Variants in CEP112 observed in about 807,000 individuals in gnomAD.
The protein encoded by CEP112 is centrosomal protein of 112 kDa.
In CEP112, 127 loss-of-function variants were observed where a neutral mutation model predicts 153.0. That is an observed-to-expected ratio of 0.83 (90% confidence interval 0.72 to 0.96). The LOEUF is 0.96. Among genes scored for constraint, CEP112 ranks in the 40% least tolerant of loss-of-function variants. The pLI is 0.00. For synonymous variants in CEP112, 358 were observed against 374.4 expected, an observed-to-expected ratio of 0.96 and a Z score of 0.51; for missense variants, 1,089 against 1,101.2, an observed-to-expected ratio of 0.99 and a Z score of 0.16.
chr17:66,100,515 TA>T (rs1378527741), intron 6 of CEP112, among the ~76,000 whole-genome samples: 2 of 147,518 alleles, frequency 1.4e-5, no homozygotes, highest in Non-Finnish European at 3.0e-5. Context: ...AAAACTGACA[TA>T]AAAACGTGTT....
intron 18 of CEP112, among the ~76,000 whole-genome samples, chr17:65,939,991 T>C (rs1298399654): frequency 6.6e-6 from 1 of 152,056 alleles, no homozygotes. Context: ...ACCATACATA[T>C]TATAAGGGAT....
intron 20 of CEP112, among the ~76,000 whole-genome samples, chr17:65,872,271 A>C (rs1375879438): frequency 6.6e-6 from 1 of 152,082 alleles, no homozygotes; most frequent in East Asian, 1.9e-4. Flanking sequence ...TTCTTAAATA[A>C]ATTCAAGTGT....
At chr17:65,675,642 C>G (rs1189019609) in intron 24 of CEP112, among the ~76,000 whole-genome samples, 2 of 151,498 alleles carry the variant, frequency 1.3e-5, no homozygotes, top group Non-Finnish European at 2.9e-5. Flanking sequence ...TAAAAGAAAA[C>G]TATAGGCCAA....
At chr17:66,070,452 T>C (rs1254532678) in intron 8 of CEP112, among the ~76,000 whole-genome samples, 2 of 152,160 alleles carry the variant, frequency 1.3e-5, no homozygotes, top group African/African-American at 2.4e-5. Context: ...TATGTAAATA[T>C]GACTTGAGAA....
chr17:65,683,079 C>T (rs1033272555), intron 24 of CEP112, among the ~76,000 whole-genome samples: 2 of 152,128 alleles, frequency 1.3e-5, no homozygotes, highest in Non-Finnish European at 2.9e-5. Context: ...CACTAGATCA[C>T]GACAGTCCTT....
At chr17:65,819,561 C>T (rs114634470) in intron 21 of CEP112, among the ~76,000 whole-genome samples, 53 of 152,046 alleles carry the variant, frequency 3.5e-4, no homozygotes, top group African/African-American at 1.3e-3. Context: ...ATTAATTTTA[C>T]AGCACAGAAA....
chr17:65,755,351 C>G (rs1172906368), intron 21 of CEP112, among the ~76,000 whole-genome samples: 1 of 152,080 alleles, frequency 6.6e-6, no homozygotes, highest in African/African-American at 2.4e-5. Flanking sequence ...ACAACTCACT[C>G]ACTGTTATAA....
chr17:65,680,530 C>T (rs1040652971), intron 24 of CEP112, among the ~76,000 whole-genome samples: 3 of 152,010 alleles, frequency 2.0e-5, no homozygotes, highest in African/African-American at 7.2e-5. Context: ...ATTAATTCAC[C>T]GAGCACCATT....
At position 65,965,727 on chromosome 17, in the gene CEP112, G is replaced by A. The variant is rs9916535; in HGVS notation, c.1737-4129C>T. ...TGTAGAAATGGGGTTTTGTCAAGTT[G>A]CCCAGGCTGGTCTCAAACTCCTGGA... On this transcript the variant is annotated intron_variant, in intron 17 of 26. Transcript: ENST00000535342. 2.4e-3 allele frequency among the ~76,000 whole-genome samples: 361 copies of A among 151,904 alleles called. 2 individuals are homozygous for A. Among genetic ancestry groups the A allele is most frequent in the African/African-American group, 8.3e-3 (344 of 41,432 alleles).
At chr17:66,073,728 T>TTA (rs1369603226) in intron 8 of CEP112, among the ~76,000 whole-genome samples, 1 of 152,182 alleles carries the variant, frequency 6.6e-6, no homozygotes, top group Non-Finnish European at 1.5e-5. Flanking sequence ...TGTTGGATAA[T>TTA]ATCTTTGGCT....
At chr17:66,077,077 C>T (rs1448137578) in intron 8 of CEP112, among the ~76,000 whole-genome samples, 1 of 152,132 alleles carries the variant, frequency 6.6e-6, no homozygotes, top group Non-Finnish European at 1.5e-5. Context: ...CTAGACTTTT[C>T]TCAGAGCCTA....
intron 19 of CEP112, among the ~76,000 whole-genome samples, chr17:65,906,681 T>G (rs2143699206): frequency 6.6e-6 from 1 of 152,318 alleles, no homozygotes; most frequent in East Asian, 1.9e-4. Context: ...TTTCTCCTAA[T>G]ACATACTATA....
intron 19 of CEP112, among the ~76,000 whole-genome samples, chr17:65,919,295 A>T (rs2060615521): frequency 6.6e-6 from 1 of 152,184 alleles, no homozygotes; most frequent in Admixed American, 6.5e-5. Flanking sequence ...GCAACACTCC[A>T]GGAAGCATGT....
rs922150784 is a variant in CEP112 at position 66,014,797 on chromosome 17, T to C, written c.1657-9028A>G. Among the ~76,000 whole-genome samples, 3 of 152,316 alleles carry C rather than the reference T, an allele frequency of 2.0e-5. No individual in the cohort carries two copies. In the East Asian group the frequency reaches 5.8e-4, roughly 29 times the overall value. The stretch of plus-strand genomic sequence containing the variant: ...GCCCAGTGTCTCTGTCCTCCCTCTG[T>C]CCACTCTCAGTAACTTTCCTCTGAA... On this transcript the variant is annotated intron_variant, in intron 16 of 26. Transcript: ENST00000535342.
intron 23 of CEP112, among the ~76,000 whole-genome samples, chr17:65,734,114 G>A (rs970581889): frequency 1.3e-5 from 2 of 152,194 alleles, no homozygotes; most frequent in East Asian, 3.8e-4. Context: ...CTGCAGATTC[G>A]GACTGGGTGA....
chr17:65,910,133 G>T (rs182632199), intron 19 of CEP112, among the ~76,000 whole-genome samples: 18 of 152,226 alleles, frequency 1.2e-4, no homozygotes, highest in Admixed American at 2.6e-4. Context: ...TTAATAAATT[G>T]TTAAAAGACA....
intron 1 of CEP112, among the ~76,000 whole-genome samples, chr17:66,188,275 CCACACACACAAACA>C (rs1467324559): frequency 0.015 from 1,786 of 120,664 alleles, 14 homozygotes; most frequent in African/African-American, 0.034. Flanking sequence ...GTCTCTCACA[CCACACACACAAACA>C]CACACACACA....
intron 17 of CEP112, among the ~76,000 whole-genome samples, chr17:66,003,295 G>A (rs1294356515): frequency 6.6e-6 from 1 of 152,144 alleles, no homozygotes; most frequent in Non-Finnish European, 1.5e-5. Context: ...CCTAAAGAGG[G>A]TTACTTGGCT....
chr17:66,153,823 A>G (rs539848600), intron 4 of CEP112, among the ~76,000 whole-genome samples: 24 of 152,230 alleles, frequency 1.6e-4, no homozygotes, highest in African/African-American at 5.8e-4. Context: ...GAAAGAAACT[A>G]GAGACCAGAA....
Sources: gnomAD v4.1 joint callset for allele counts (sites outside exome capture counted in the v4.1 genomes callset) on GRCh38, gnomAD v4.1.1 for gene constraint, MANE v1.5 for transcripts, NCBI Gene and HGNC (gene_info 2026-07-23, HGNC 2026-07-21) for gene names.